Variants in MAP1B observed in about 807,000 individuals in gnomAD.
MAP1B encodes microtubule associated protein 1B.
A neutral mutation model predicts 176.1 loss-of-function variants in MAP1B; 12 were observed. That is an observed-to-expected ratio of 0.07 (90% CI 0.04 to 0.11). The LOEUF (loss-of-function observed/expected upper bound fraction) is 0.11. Among genes scored for constraint, MAP1B ranks in the 10% least tolerant of loss-of-function variants. The probability of loss-of-function intolerance (pLI) is 1.00; values close to 1 mark genes in which losing one functional copy is unlikely to be tolerated. For missense variants in MAP1B, 2,523 were observed against 2,990.5 expected (o/e 0.84, Z 3.65); for synonymous variants, 1,044 against 1,135.0 (o/e 0.92, Z 1.61).
At chr5:72,156,207 T>C (rs920411807) in intron 2 of MAP1B, among the ~76,000 whole-genome samples, 3 of 150,446 alleles carry the variant, frequency 2.0e-5, no homozygotes, top group Non-Finnish European at 3.0e-5. Flanking sequence ...TGGCTGCCAC[T>C]GCATGAAGGC....
In MAP1B at chr5:72,206,809, C is replaced by T. The variant is rs948645728; in HGVS notation, c.*1570C>T. The T allele has an allele frequency of 1.3e-5, 2 of 151,890 alleles. No homozygotes were observed. The highest frequency in any genetic ancestry group is 2.4e-5 in the African/African-American group (1 of 41,302). 9.4% of individuals were successfully genotyped at this position (151,890 alleles called of 1,614,324 possible). On this transcript the variant is annotated 3_prime_UTR_variant, in exon 7 of 7. Transcript: ENST00000296755. ...GATATTTATTAAAAACCCATAACTA[C>T]CAGGAATAATGATACCTCCCACCCC... is the stretch of plus-strand genomic sequence containing the variant.
chr5:72,182,841 C>T (rs1186626012), intron 2 of MAP1B, among the ~76,000 whole-genome samples: 1 of 152,188 alleles, frequency 6.6e-6, no homozygotes, highest in Non-Finnish European at 1.5e-5. Context: ...ACTTCCCTGT[C>T]CTTAGCAGCT....
chr5:72,194,793 C>T lies in MAP1B; in HGVS notation c.1438C>T (p.Pro480Ser). The T allele has an allele frequency of 6.2e-7, 1 of 1,614,144 alleles. No individual in the cohort carries two copies. The highest frequency in any genetic ancestry group is 8.5e-7 in the Non-Finnish European group (1 of 1,180,026). Reference protein sequence around the residue: ...SSLIVWHPANPAEKIIRVLFP... With the variant: ...SSLIVWHPANSAEKIIRVLFP... ...TTTGATTGTGTGGCATCCAGCAAAC[C>T]CTGCGGAGAAAATCATCCGAGTCCT... The change falls in exon 5 of 7, where the codon CCT becomes TCT. Residue 480 changes from proline (P) to serine (S), a missense_variant. This residue lies in a region of MAP1B where 1,925 missense variants were observed against 2,126.0 expected (regional missense o/e 0.91). Coordinates refer to ENST00000296755, the MANE Select transcript of MAP1B (RefSeq NM_005909.5). The surrounding 1 kb of genome is among the most constrained non-coding windows in gnomAD (Gnocchi z 7.2).
intron 4 of MAP1B, among the ~76,000 whole-genome samples, chr5:72,188,316 T>A (rs764031645): frequency 6.6e-6 from 1 of 152,208 alleles, no homozygotes; most frequent in Non-Finnish European, 1.5e-5. Context: ...ATTATTAGCA[T>A]CTTGCCTCAG....
At chr5:72,171,581 C>T (rs546804706) in intron 2 of MAP1B, among the ~76,000 whole-genome samples, 1 of 152,036 alleles carries the variant, frequency 6.6e-6, no homozygotes, top group East Asian at 1.9e-4. Context: ...TAGAGTGAGA[C>T]CCTCCCTCAA....
At chr5:72,133,956 A>G (rs918180039) in intron 2 of MAP1B, among the ~76,000 whole-genome samples, 3 of 152,226 alleles carry the variant, frequency 2.0e-5, no homozygotes, top group Non-Finnish European at 2.9e-5. Context: ...GTCACATTTC[A>G]AAACTCCCTT....
chr5:72,200,150 T>C lies in MAP1B; in HGVS notation c.6795T>C (p.Ser2265=), dbSNP rs1561318656. Residue 2265 remains serine, a synonymous_variant, in exon 5 of 7, where the codon TCT becomes TCC. Transcript: ENST00000296755. ...CTGTCAAAAAGAGTGATGGGAAGTCTAAGCCCTTGGCAGCTTCACCAAAAC... is the reference window on the plus strand; with the variant it reads ...CTGTCAAAAAGAGTGATGGGAAGTCCAAGCCCTTGGCAGCTTCACCAAAAC... ...SSPVKKSDGK[S]KPLAASPKPA... The C allele has an allele frequency of 1.9e-6, 3 of 1,614,246 alleles. No individual in the cohort carries two copies. Among genetic ancestry groups the C allele is most frequent in the Non-Finnish European group, 2.5e-6 (3 of 1,180,044 alleles).
In MAP1B at chr5:72,205,091, T is replaced by C. The variant is rs1441592002; in HGVS notation, c.7259T>C (p.Leu2420Pro). ...TTTTTTCTCTCCCTGCAGGTGACACTGATCCCAACTCATGACTCAGAAGTG... is the reference window on the plus strand; with the variant it reads ...TTTTTTCTCTCCCTGCAGGTGACACCGATCCCAACTCATGACTCAGAAGTG... ...AQWGSNMQVT[L>P]IPTHDSEVMR... Residue 2420 changes from leucine to proline, a missense_variant, in exon 7 of 7, where the codon CTG (leucine) becomes CCG (proline). This residue lies in a region of MAP1B where 287 missense variants were observed against 401.5 expected (regional missense o/e 0.71). Coordinates refer to ENST00000296755, the MANE Select transcript of MAP1B (RefSeq NM_005909.5). The C allele has an allele frequency of 6.2e-7, 1 of 1,609,696 alleles. No homozygotes were observed. The highest frequency in any genetic ancestry group is 8.5e-7 in the Non-Finnish European group (1 of 1,178,780).
chr5:72,107,844 C>A, intron 1 of MAP1B, 129 bp downstream of exon 1: 2 of 923,568 alleles, frequency 2.2e-6, no homozygotes, highest in Non-Finnish European at 3.3e-6. Context: ...ACCTCTCATA[C>A]TTGGTCCAGA....
intron 2 of MAP1B, among the ~76,000 whole-genome samples, chr5:72,120,034 T>C (rs957711020): frequency 2.7e-4 from 41 of 152,302 alleles, no homozygotes; most frequent in African/African-American, 9.4e-4. Flanking sequence ...GGACTGTCTA[T>C]GTATAGTAGT....
chr5:72,183,069 G>A (rs1042514528), intron 2 of MAP1B, among the ~76,000 whole-genome samples: 9 of 152,176 alleles, frequency 5.9e-5, no homozygotes, highest in Admixed American at 2.0e-4. Context: ...TTAGACAGGC[G>A]GTCATCACAC....
rs1306731682 is a variant in MAP1B, at chr5:72,197,916, A to G, written c.4561A>G (p.Ile1521Val). ...GSFKEDTKMS[I>V]SEGTVSDKSA... ...TTTTAAAGAAGACACTAAGATGTCC[A>G]TTTCTGAAGGTACTGTCTCAGACAA... is the stretch of plus-strand genomic sequence containing the variant. The change falls in exon 5 of 7, where the codon ATT becomes GTT. Residue 1521 changes from isoleucine (I) to valine (V), a missense_variant. Coordinates refer to ENST00000296755, the MANE Select transcript of MAP1B (RefSeq NM_005909.5). 3 of 1,614,216 alleles carry G rather than the reference A, an allele frequency of 1.9e-6. No homozygotes were observed. The highest frequency in any genetic ancestry group is 1.7e-5 in the Admixed American group (1 of 60,032).
intron 2 of MAP1B, among the ~76,000 whole-genome samples, chr5:72,167,766 C>T (rs2112189301): frequency 1.3e-5 from 2 of 152,092 alleles, no homozygotes; most frequent in East Asian, 1.9e-4. Context: ...ACTTTCTTTC[C>T]CCCAGTAACC....
chr5:72,187,605 C>T (rs1253250708), intron 4 of MAP1B, among the ~76,000 whole-genome samples: 1 of 152,040 alleles, frequency 6.6e-6, no homozygotes, highest in Non-Finnish European at 1.5e-5. Flanking sequence ...AAGAAGAGTC[C>T]CCACATCTGT....
intron 2 of MAP1B, among the ~76,000 whole-genome samples, chr5:72,133,772 A>G (rs1216236750): frequency 6.6e-6 from 1 of 152,272 alleles, no homozygotes; most frequent in Non-Finnish European, 1.5e-5. Flanking sequence ...TTGGTAAAGC[A>G]GGAAAAGCTG....
intron 1 of MAP1B, among the ~76,000 whole-genome samples, chr5:72,110,446 G>A (rs1339432080): frequency 6.6e-6 from 1 of 152,158 alleles, no homozygotes; most frequent in East Asian, 1.9e-4. Flanking sequence ...CCCTTCCAGC[G>A]CTAAGTGAAA....
intron 1 of MAP1B, among the ~76,000 whole-genome samples, chr5:72,112,601 C>G (rs1027484598): frequency 5.9e-5 from 9 of 152,196 alleles, no homozygotes; most frequent in Admixed American, 5.2e-4. Context: ...GGTCAGAGAA[C>G]TGAGAAGGAA....
chr5:72,115,643 C>T (rs1745419037), intron 1 of MAP1B, 55 bp from the exon 2 acceptor site: 3 of 976,526 alleles, frequency 3.1e-6, no homozygotes, highest in Admixed American at 3.4e-5. Context: ...GTTGTCCAAA[C>T]CACTCTGAAA....
chr5:72,199,784 T>C lies in MAP1B; in HGVS notation c.6429T>C (p.Asp2143=), dbSNP rs961080115. Reference sequence around the variant, plus strand: ...GAAAGCAACAGGGCCGACAGTGTGATGAAACCCCTCCCACCTCAGTCAGCG... The same window carrying C: ...GAAAGCAACAGGGCCGACAGTGTGACGAAACCCCTCCCACCTCAGTCAGCG... The part of the protein sequence containing the change: ...PGGKQQGRQC[D]ETPPTSVSES... Residue 2143 remains aspartate, a synonymous_variant, in exon 5 of 7, where the codon GAT becomes GAC. Coordinates refer to ENST00000296755, the MANE Select transcript of MAP1B (RefSeq NM_005909.5). The surrounding 1 kb of genome is among the most constrained non-coding windows in gnomAD (Gnocchi z 4.2). 2 of 1,614,040 alleles carry C rather than the reference T, an allele frequency of 1.2e-6. No homozygotes were observed. Among genetic ancestry groups the C allele is most frequent in the East Asian group, 2.2e-5 (1 of 44,894 alleles).
Sources: gnomAD v4.1 joint callset for allele counts (sites outside exome capture counted in the v4.1 genomes callset) on GRCh38, gnomAD v4.1.1 for gene constraint, gnomAD v4.1.1 regional missense constraint, Gnocchi (gnomAD v3.1) non-coding constraint, MANE v1.5 for transcripts, NCBI Gene and HGNC (gene_info 2026-07-23, HGNC 2026-07-21) for gene names.